LRRC1: variants seen among roughly 807,000 people sequenced by gnomAD.
The protein encoded by LRRC1 is leucine-rich repeat-containing protein 1.
A neutral mutation model predicts 69.9 loss-of-function variants in LRRC1; 28 were observed. The ratio of observed to expected loss-of-function variants is 0.40; its 90% CI spans 0.30 to 0.55. The LOEUF is 0.55. Ranked by LOEUF, LRRC1 falls within the 20% of genes least tolerant of loss-of-function variation. LRRC1 has a pLI of 0.47. For missense variants in LRRC1, 498 were observed against 609.0 expected (o/e 0.82, Z 1.92); for synonymous variants, 236 against 240.2 (o/e 0.98, Z 0.16).
At chr6:53,883,039 G>C in intron 4 of LRRC1, 63 bp downstream of exon 4, 1 of 973,154 alleles carries the variant, frequency 1.0e-6, no homozygotes, top group Non-Finnish European at 1.6e-6. Context: ...ATCAGCTCTA[G>C]CCTCCTTCCC....
intron 10 of LRRC1, among the ~76,000 whole-genome samples, chr6:53,910,613 G>GA (rs367549906): frequency 1.2e-4 from 18 of 150,978 alleles, no homozygotes; most frequent in African/African-American, 3.6e-4. Context: ...TTATTTCCTG[G>GA]AAAAAAAAAT....
At chr6:53,816,434 C>A (rs1764952850) in intron 1 of LRRC1, among the ~76,000 whole-genome samples, 1 of 151,334 alleles carries the variant, frequency 6.6e-6, no homozygotes, top group African/African-American at 2.4e-5. Context: ...CCCTTGGTAT[C>A]TCTGTCAAAA....
chr6:53,914,007 A>C (rs2127441699), intron 11 of LRRC1, 38 bp downstream of exon 11: 2 of 1,385,922 alleles, frequency 1.4e-6, no homozygotes, highest in East Asian at 4.6e-5. Flanking sequence ...GAGGGAAACA[A>C]ATATACATAC....
At chr6:53,918,352 T>C (rs1025162488) in intron 11 of LRRC1, among the ~76,000 whole-genome samples, 1 of 152,254 alleles carries the variant, frequency 6.6e-6, no homozygotes, top group Non-Finnish European at 1.5e-5. Flanking sequence ...GAAAATATTT[T>C]CTCATCTTTG....
intron 2 of LRRC1, among the ~76,000 whole-genome samples, chr6:53,846,865 A>G (rs1053074607): frequency 1.3e-5 from 2 of 152,212 alleles, no homozygotes; most frequent in African/African-American, 4.8e-5. Flanking sequence ...TTATGTGAGA[A>G]GTGGTATTAT....
intron 1 of LRRC1, among the ~76,000 whole-genome samples, chr6:53,827,276 T>G (rs912376543): frequency 7.0e-6 from 1 of 143,136 alleles, no homozygotes; most frequent in Admixed American, 7.4e-5. Context: ...TATCCTGAGT[T>G]GGAACTTAAA....
chr6:53,825,997 A>G (rs1765243844), intron 1 of LRRC1, among the ~76,000 whole-genome samples: 2 of 151,766 alleles, frequency 1.3e-5, no homozygotes, highest in Admixed American at 6.6e-5. Flanking sequence ...TTTTTCAAGC[A>G]GAGGAATGGC....
At chr6:53,850,591 TTCTTTC>T (rs1766095079) in intron 2 of LRRC1, among the ~76,000 whole-genome samples, 1 of 152,248 alleles carries the variant, frequency 6.6e-6, no homozygotes, top group Non-Finnish European at 1.5e-5. Flanking sequence ...TGTCATGGGA[TTCTTTC>T]TCTTTTTATT....
intron 1 of LRRC1, among the ~76,000 whole-genome samples, chr6:53,796,579 C>G (rs1007249357): frequency 6.6e-5 from 10 of 152,204 alleles, no homozygotes; most frequent in African/African-American, 2.4e-4. Flanking sequence ...GATACGTTCT[C>G]CAGCGCTGAT....
At chr6:53,856,788 C>T (rs2127421527) in intron 2 of LRRC1, among the ~76,000 whole-genome samples, 1 of 152,232 alleles carries the variant, frequency 6.6e-6, no homozygotes, top group Middle Eastern at 3.4e-3. Context: ...CTGGCCCTAG[C>T]AGGGAGCATG....
chr6:53,895,156 GA>G (rs1293889068), intron 4 of LRRC1, among the ~76,000 whole-genome samples: 1 of 151,826 alleles, frequency 6.6e-6, no homozygotes, highest in Non-Finnish European at 1.5e-5. Context: ...TGACCTCGTG[GA>G]TCCGCCCACC....
intron 1 of LRRC1, among the ~76,000 whole-genome samples, chr6:53,798,301 G>A (rs1197384604): frequency 6.6e-6 from 1 of 152,200 alleles, no homozygotes; most frequent in Non-Finnish European, 1.5e-5. Context: ...GATCCTTTTT[G>A]GCTCTGTGCT....
intron 2 of LRRC1, among the ~76,000 whole-genome samples, chr6:53,875,234 C>T (rs1767026523): frequency 6.6e-6 from 1 of 152,098 alleles, no homozygotes; most frequent in African/African-American, 2.4e-5. Context: ...CATATAACAT[C>T]AGGAACTTTG....
At chr6:53,915,931 T>C (rs1041737061) in intron 11 of LRRC1, among the ~76,000 whole-genome samples, 3 of 152,204 alleles carry the variant, frequency 2.0e-5, no homozygotes, top group African/African-American at 7.2e-5. Context: ...GAAATCATAC[T>C]AAATCATTAA....
intron 2 of LRRC1, among the ~76,000 whole-genome samples, chr6:53,847,547 A>G (rs2127418090): frequency 6.6e-6 from 1 of 152,350 alleles, no homozygotes; most frequent in South Asian, 2.1e-4. Context: ...AAGAACTTAA[A>G]GGTAAGATAG....
chr6:53,889,479 A>G (rs1159027952), intron 4 of LRRC1, among the ~76,000 whole-genome samples: 1 of 152,230 alleles, frequency 6.6e-6, no homozygotes, highest in Non-Finnish European at 1.5e-5. Flanking sequence ...TGGCATATGT[A>G]TACAGTGAAA....
At chr6:53,864,462 C>T (rs1318442446) in intron 2 of LRRC1, among the ~76,000 whole-genome samples, 1 of 152,194 alleles carries the variant, frequency 6.6e-6, no homozygotes, top group Non-Finnish European at 1.5e-5. Flanking sequence ...TCAAATCTGA[C>T]TTCAGACCCT....
At chr6:53,879,835 C>T (rs949951045) in intron 3 of LRRC1, among the ~76,000 whole-genome samples, 5 of 152,058 alleles carry the variant, frequency 3.3e-5, no homozygotes, top group African/African-American at 9.7e-5. Context: ...CCTTATGGCT[C>T]CTGGCTTAGT....
rs76278602 is a variant in LRRC1, at chr6:53,916,752, G to A, written c.1107-2746G>A. Among the ~76,000 whole-genome samples, 477 of 152,250 alleles carry A rather than the reference G, an allele frequency of 3.1e-3. 6 individuals carry two copies. In the East Asian group the frequency reaches 0.04, roughly 13 times the overall value. On this transcript the variant is annotated intron_variant, in intron 11 of 13. Transcript: ENST00000370888. ...GCAGAAAGATGAAACTACATTGTAA[G>A]GCGTATTCAGTCACTGGTGAAGTTA...
Sources: gnomAD v4.1 joint callset for allele counts (sites outside exome capture counted in the v4.1 genomes callset) on GRCh38, gnomAD v4.1.1 for gene constraint, MANE v1.5 for transcripts, NCBI Gene and HGNC (gene_info 2026-07-23, HGNC 2026-07-21) for gene names.